Variants in SVIL observed in about 807,000 individuals in gnomAD.
SVIL encodes the protein archvillin.
In SVIL, 101 loss-of-function variants were observed where a neutral mutation model predicts 240.4. That is an observed-to-expected ratio of 0.42 (90% CI 0.36 to 0.50). The LOEUF is 0.50. Ranked by LOEUF, SVIL falls within the 20% of genes least tolerant of loss-of-function variation. The probability of loss-of-function intolerance (pLI) is 0.01; values close to 1 mark genes in which losing one functional copy is unlikely to be tolerated. For missense variants in SVIL, 2,512 were observed against 2,818.7 expected (o/e 0.89, Z 2.46); for synonymous variants, 999 against 1,100.0 (o/e 0.91, Z 1.82).
chr10:29,593,168 G>T (rs1367288602), intron 1 of SVIL, among the ~76,000 whole-genome samples: 2 of 152,084 alleles, frequency 1.3e-5, no homozygotes, highest in African/African-American at 4.8e-5. Context: ...AAAAAAAAGA[G>T]ATATTCTGTC....
At chr10:29,722,039 A>C (rs1324323798) in intron 1 of SVIL, among the ~76,000 whole-genome samples, 1 of 152,096 alleles carries the variant, frequency 6.6e-6, no homozygotes, top group Non-Finnish European at 1.5e-5. Context: ...GGAGTTCGAG[A>C]CCAGCTTGGC....
chr10:29,599,515 A>G (rs1209774501), intron 1 of SVIL, among the ~76,000 whole-genome samples: 5 of 151,918 alleles, frequency 3.3e-5, no homozygotes, highest in African/African-American at 1.2e-4. Flanking sequence ...TCCCGGGTTC[A>G]AGTGGTTCTT....
At chr10:29,549,685 T>A (rs1589214624) in intron 6 of SVIL, among the ~76,000 whole-genome samples, 1 of 139,870 alleles carries the variant, frequency 7.1e-6, no homozygotes, top group African/African-American at 2.7e-5. Context: ...TGGAATACTA[T>A]GCAGCCATAA....
intron 1 of SVIL, among the ~76,000 whole-genome samples, chr10:29,724,529 T>C (rs983920911): frequency 6.6e-6 from 1 of 152,150 alleles, no homozygotes; most frequent in South Asian, 2.1e-4. Flanking sequence ...ATGGTGACTA[T>C]TTTTTAAAAA....
chr10:29,695,352 T>C (rs1349010675), intron 1 of SVIL, among the ~76,000 whole-genome samples: 1 of 152,154 alleles, frequency 6.6e-6, no homozygotes, highest in African/African-American at 2.4e-5. Context: ...GCAGGTACAC[T>C]AAATGAGGGG....
At chr10:29,550,322 G>A (rs1218796519) in intron 6 of SVIL, among the ~76,000 whole-genome samples, 3 of 151,778 alleles carry the variant, frequency 2.0e-5, no homozygotes, top group Non-Finnish European at 4.4e-5. Context: ...TGTGCCTGTG[G>A]TTCCAGCTAC....
intron 1 of SVIL, among the ~76,000 whole-genome samples, chr10:29,731,682 C>G (rs1244481511): frequency 4.6e-5 from 7 of 152,168 alleles, no homozygotes; most frequent in Non-Finnish European, 1.0e-4. Context: ...AATGTTAATT[C>G]TGACATTTCC....
At chr10:29,689,452 C>T (rs576739989) in intron 1 of SVIL, among the ~76,000 whole-genome samples, 15 of 152,226 alleles carry the variant, frequency 9.9e-5, no homozygotes, top group African/African-American at 3.6e-4. Flanking sequence ...ATCCGGCTAA[C>T]TTTTTGTATT....
chr10:29,491,818 C>T (rs1947992578), intron 21 of SVIL, among the ~76,000 whole-genome samples: 1 of 152,210 alleles, frequency 6.6e-6, no homozygotes, highest in South Asian at 2.1e-4. Flanking sequence ...ACTACTTAAA[C>T]AGTGACATTG....
At chr10:29,718,010 G>T (rs182888829) in intron 1 of SVIL, among the ~76,000 whole-genome samples, 49 of 152,208 alleles carry the variant, frequency 3.2e-4, no homozygotes, top group African/African-American at 1.1e-3. Flanking sequence ...CTGAGTTAAA[G>T]AAAATATATA....
At chr10:29,696,606 C>G (rs890760235) in intron 1 of SVIL, among the ~76,000 whole-genome samples, 10 of 151,534 alleles carry the variant, frequency 6.6e-5, no homozygotes, top group African/African-American at 2.4e-4. Context: ...GCCCCGCCGC[C>G]CCGTCTGGGA....
intron 16 of SVIL, among the ~76,000 whole-genome samples, chr10:29,514,646 G>T (rs1416791639): frequency 1.3e-5 from 2 of 152,178 alleles, no homozygotes; most frequent in Non-Finnish European, 2.9e-5. Context: ...CTCCCAAAGT[G>T]CTGGGATTAC....
Position 29,532,787 on chromosome 10 carries a change from T to C in SVIL, c.1580A>G (p.Asp527Gly). The C allele has an allele frequency of 1.2e-6, 2 of 1,614,052 alleles. No individual in the cohort carries two copies. The highest frequency in any genetic ancestry group is 1.3e-5 in the African/African-American group (1 of 74,988). Residue 527 changes from aspartate to glycine, a missense_variant, in exon 8 of 38, where the codon GAC becomes GGC. Transcript: ENST00000355867. Reference protein sequence around the residue: ...LYIQSEPVSQDAKPTGHNREA... With the variant: ...LYIQSEPVSQGAKPTGHNREA... ...CCTGTTGTGACCAGTTGGTTTGGCGTCTTGGGACACAGGCTCACTTTGAAT... is the reference window on the plus strand; with the variant it reads ...CCTGTTGTGACCAGTTGGTTTGGCGCCTTGGGACACAGGCTCACTTTGAAT...
At chr10:29,667,731 T>C (rs1959428143) in intron 2 of SVIL, among the ~76,000 whole-genome samples, 1 of 151,934 alleles carries the variant, frequency 6.6e-6, no homozygotes, top group South Asian at 2.1e-4. Context: ...AGTGTGCGCC[T>C]ACTGTCCTAG....
chr10:29,659,296 C>T (rs374945975), intron 2 of SVIL, among the ~76,000 whole-genome samples: 15 of 152,342 alleles, frequency 9.8e-5, no homozygotes, highest in African/African-American at 3.1e-4. Flanking sequence ...TAGTGGTTAA[C>T]AAGCGTGGCT....
chr10:29,488,809 A>G, intron 22 of SVIL, 53 bp from the exon 23 acceptor site: 1 of 1,555,736 alleles, frequency 6.4e-7, no homozygotes, highest in Admixed American at 2.0e-5. Context: ...TACAGTGACA[A>G]TATTTACAGT....
At chr10:29,701,290 AG>A (rs1227749724) in intron 1 of SVIL, among the ~76,000 whole-genome samples, 1 of 152,150 alleles carries the variant, frequency 6.6e-6, no homozygotes, top group African/African-American at 2.4e-5. Flanking sequence ...AAGCTGGAAA[AG>A]CTTCCAGGGG....
At chr10:29,718,186 C>T (rs966518704) in intron 1 of SVIL, among the ~76,000 whole-genome samples, 3 of 151,876 alleles carry the variant, frequency 2.0e-5, no homozygotes, top group Non-Finnish European at 2.9e-5. Flanking sequence ...ATTAGCCAGG[C>T]GTGGTGGCAC....
chr10:29,732,278 C>T (rs912486208), intron 1 of SVIL, among the ~76,000 whole-genome samples: 4 of 152,072 alleles, frequency 2.6e-5, no homozygotes, highest in Non-Finnish European at 4.4e-5. Context: ...GACATTATAA[C>T]GTTTCTTTAT....
Sources: allele counts gnomAD v4.1 joint callset (sites outside exome capture counted in the v4.1 genomes callset), GRCh38; gene constraint gnomAD v4.1.1; transcripts MANE v1.5; gene names NCBI Gene and HGNC (gene_info 2026-07-23, HGNC 2026-07-21).